EIF5B: variants seen among roughly 807,000 people sequenced by gnomAD.
EIF5B encodes eIF-5B.
A neutral mutation model predicts 147.5 loss-of-function variants in EIF5B; 47 were observed. The observed-to-expected ratio is 0.32, with a 90% CI of 0.25 to 0.41. The LOEUF (loss-of-function observed/expected upper bound fraction) is 0.41. Among genes scored for constraint, EIF5B ranks in the 10% least tolerant of loss-of-function variants. EIF5B has a pLI of 1.00. For missense variants in EIF5B, 1,064 were observed against 1,413.2 expected, an observed-to-expected ratio of 0.75 and a Z score of 3.96; for synonymous variants, 455 against 456.2, an observed-to-expected ratio of 1.00 and a Z score of 0.03.
rs748978559 is a variant in EIF5B, at chr2:99,390,431, T to TG, written c.2586+30_2586+31insG. The TG allele has an allele frequency of 9.0e-5, 142 of 1,570,746 alleles. 1 individual carries two copies. The highest frequency in any genetic ancestry group is 1.2e-4 in the Non-Finnish European group (138 of 1,166,620). The stretch of plus-strand genomic sequence containing the variant: ...TGATCAACTTTTCAGTTTATTGTTT[T>TG]TTTTTTTTTTAAAAATAGCAAGTTC... On this transcript the variant is annotated intron_variant, in intron 16 of 23. Coordinates refer to ENST00000289371, the MANE Select transcript of EIF5B (RefSeq NM_015904.4).
intron 3 of EIF5B, 57 bp downstream of exon 3, chr2:99,360,606 AT>A: frequency 6.4e-7 from 1 of 1,555,144 alleles, no homozygotes; most frequent in Non-Finnish European, 8.7e-7. Flanking sequence ...TTTCTTCTTA[AT>A]GTTGGTTTGG....
intron 1 of EIF5B, 56 bp downstream of exon 1, chr2:99,337,645 G>C (rs1160907301): frequency 6.5e-7 from 1 of 1,548,328 alleles, no homozygotes; most frequent in South Asian, 1.2e-5. Flanking sequence ...TGGAGTGTGC[G>C]GGTCTCGCCG....
At chr2:99,396,960 T>C in intron 22 of EIF5B, 62 bp downstream of exon 22, 1 of 1,540,410 alleles carries the variant, frequency 6.5e-7, no homozygotes, top group Non-Finnish European at 8.7e-7. Context: ...TGTCCAAGAG[T>C]CGTACCAACA....
chr2:99,374,074 A>G (rs1037914897), intron 9 of EIF5B, among the ~76,000 whole-genome samples: 7 of 152,160 alleles, frequency 4.6e-5, no homozygotes, highest in Non-Finnish European at 1.0e-4. Context: ...GGATCACTTG[A>G]GATCAGGAGA....
chr2:99,378,383 A>G (rs923917087), intron 10 of EIF5B, among the ~76,000 whole-genome samples: 2 of 152,146 alleles, frequency 1.3e-5, no homozygotes, highest in Non-Finnish European at 2.9e-5. Context: ...CATTTAGGTA[A>G]ATGCAACGGA....
intron 14 of EIF5B, among the ~76,000 whole-genome samples, chr2:99,387,263 G>A (rs1674830460): frequency 6.6e-6 from 1 of 152,030 alleles, no homozygotes; most frequent in Non-Finnish European, 1.5e-5. Context: ...CCTATCCCAA[G>A]TTCATTAAAT....
rs538471384 is a variant in EIF5B at position 99,369,860 on chromosome 2, C to CAGCTACTTGGGAGGCTG, written c.1477+382_1477+398dup. 3.3e-3 allele frequency among the ~76,000 whole-genome samples: 499 copies of CAGCTACTTGGGAGGCTG among 152,154 alleles called. 2 individuals carry two copies. Among genetic ancestry groups the CAGCTACTTGGGAGGCTG allele is most frequent in the Non-Finnish European group, 5.6e-3 (381 of 68,000 alleles). Reference sequence around the variant, plus strand: ...GGGTGGTGGCGGGTGCCTGTAATCCCAGCTACTTGGGAGGCTGAGGCAGGA... The same window carrying CAGCTACTTGGGAGGCTG: ...GGGTGGTGGCGGGTGCCTGTAATCCCAGCTACTTGGGAGGCTGAGCTACTTGGGAGGCTGAGGCAGGA... On this transcript the variant is annotated intron_variant, in intron 8 of 23. Coordinates refer to ENST00000289371, the MANE Select transcript of EIF5B (RefSeq NM_015904.4).
intron 22 of EIF5B, 184 bp downstream of exon 22, chr2:99,397,082 TA>T (rs745579258): frequency 9.9e-5 from 56 of 565,690 alleles, no homozygotes; most frequent in Non-Finnish European, 1.4e-4. Flanking sequence ...GTGGTAACTT[TA>T]AAACAAGCAG....
intron 1 of EIF5B, among the ~76,000 whole-genome samples, chr2:99,349,210 T>C (rs2105337702): frequency 6.6e-6 from 1 of 152,294 alleles, no homozygotes; most frequent in Non-Finnish European, 1.5e-5. Context: ...GTCAGAGATA[T>C]TTTGTGCCAG....
intron 1 of EIF5B, among the ~76,000 whole-genome samples, chr2:99,345,241 G>A (rs1459069657): frequency 1.3e-5 from 2 of 152,126 alleles, no homozygotes; most frequent in Middle Eastern, 3.2e-3. Flanking sequence ...TATGAGAGTC[G>A]TGATTGCCAC....
intron 7 of EIF5B, among the ~76,000 whole-genome samples, chr2:99,369,096 A>G (rs1244843858): frequency 6.6e-6 from 1 of 152,136 alleles, no homozygotes; most frequent in Admixed American, 6.5e-5. Context: ...AACATGATGA[A>G]ACCCTGCCTC....
chr2:99,399,447 G>C lies in EIF5B; in HGVS notation c.*33G>C. The C allele has an allele frequency of 6.3e-7, 1 of 1,585,746 alleles. No homozygotes were observed. Among genetic ancestry groups the C allele is most frequent in the East Asian group, 2.2e-5 (1 of 44,564 alleles). The stretch of plus-strand genomic sequence containing the variant: ...ACATGGAGCAGGAACTGGAGTAAAT[G>C]CAATACTGTGTTGTAATATCCCAAC... On this transcript the variant is annotated 3_prime_UTR_variant, in exon 24 of 24. Coordinates refer to ENST00000289371, the MANE Select transcript of EIF5B (RefSeq NM_015904.4).
In EIF5B at chr2:99,399,483, CA is replaced by C; in HGVS notation, c.*75del. 1.4e-6 allele frequency: 2 copies of C among 1,428,840 alleles called. No homozygotes were observed. Among genetic ancestry groups the C allele is most frequent in the Middle Eastern group, 1.8e-4 (1 of 5,418 alleles). The allele number at this position is 1,428,840 out of a possible 1,614,324, so 88.5% of individuals were successfully genotyped here. On this transcript the variant is annotated 3_prime_UTR_variant, in exon 24 of 24. Coordinates refer to ENST00000289371, the MANE Select transcript of EIF5B (RefSeq NM_015904.4). ...TTGTAATATCCCAACAAAAATCAGA[CA>C]AAAAATGGAACAGACGTATTTGGAC...
intron 14 of EIF5B, among the ~76,000 whole-genome samples, chr2:99,385,243 T>G (rs1251916322): frequency 6.6e-6 from 1 of 152,104 alleles, no homozygotes; most frequent in East Asian, 1.9e-4. Flanking sequence ...ATGGGGTTTC[T>G]CCATGTTGGT....
rs1456865099 is a variant in EIF5B, at chr2:99,398,629, C to T, written c.3394-119C>T. Reference sequence around the variant, plus strand: ...TACACCGTGAGTGATGAAAGGATCGCACTGCCATGACTTTTAAAACAGGCT... The same window carrying T: ...TACACCGTGAGTGATGAAAGGATCGTACTGCCATGACTTTTAAAACAGGCT... On this transcript the variant is annotated intron_variant, in intron 22 of 23. Transcript: ENST00000289371. 20 of 1,057,236 alleles carry T rather than the reference C, an allele frequency of 1.9e-5. No homozygotes were observed. In the East Asian group the frequency reaches 5.0e-4, roughly 26 times the overall value. The allele number at this position is 1,057,236 out of a possible 1,614,324, so 65.5% of individuals were successfully genotyped here.
intron 1 of EIF5B, among the ~76,000 whole-genome samples, chr2:99,342,251 A>G (rs1025174804): frequency 6.6e-6 from 1 of 152,054 alleles, no homozygotes; most frequent in Non-Finnish European, 1.5e-5. Flanking sequence ...TTTTAAATGT[A>G]ATACTTGCCA....
At chr2:99,350,589 A>G (rs533213654) in intron 1 of EIF5B, among the ~76,000 whole-genome samples, 1 of 151,874 alleles carries the variant, frequency 6.6e-6, no homozygotes, top group South Asian at 2.1e-4. Context: ...TCTTTTGCCC[A>G]TTGTTTAGTT....
intron 8 of EIF5B, 135 bp from the exon 9 acceptor site, chr2:99,371,521 A>T: frequency 1.6e-6 from 1 of 643,290 alleles, no homozygotes; most frequent in Non-Finnish European, 2.5e-6. Context: ...TTCTAAAGAT[A>T]ATAGCTGCAT....
chr2:99,400,028 T>TAAACC lies in EIF5B; in HGVS notation c.*619_*623dup, dbSNP rs1209236812. ...GAGTCCATTGTAATCATCACAATTCTAAACCAAACTACCAATAAAGAAAAC... is the reference window on the plus strand; with the variant it reads ...GAGTCCATTGTAATCATCACAATTCTAAACCAAACCAAACTACCAATAAAGAAAAC... On this transcript the variant is annotated 3_prime_UTR_variant, in exon 24 of 24. Coordinates refer to ENST00000289371, the MANE Select transcript of EIF5B (RefSeq NM_015904.4). 6.6e-6 allele frequency: 1 copy of TAAACC among 152,354 alleles called. No individual in the cohort carries two copies. Among genetic ancestry groups the TAAACC allele is most frequent in the Non-Finnish European group, 1.5e-5 (1 of 68,060 alleles). The allele number at this position is 152,354 out of a possible 1,614,324, so 9.4% of individuals were successfully genotyped here.
Sources: allele counts gnomAD v4.1 joint callset (sites outside exome capture counted in the v4.1 genomes callset), GRCh38; gene constraint gnomAD v4.1.1; transcripts MANE v1.5; gene names NCBI Gene and HGNC (gene_info 2026-07-23, HGNC 2026-07-21).